XG: variants seen among roughly 807,000 people sequenced by gnomAD.
The protein encoded by XG is glycoprotein Xg.
Under a neutral mutation model 25.7 loss-of-function variants are expected in XG, and 24 were observed. The observed-to-expected ratio is 0.93, with a 90% CI of 0.68 to 1.31. XG has a LOEUF of 1.31. Among genes scored for constraint, XG ranks in the 40% most tolerant of loss-of-function variants. The pLI, the probability that XG is intolerant of heterozygous loss-of-function variation, is 0.00. For synonymous variants in XG, 77 were observed against 69.2 expected (o/e 1.11, Z -0.56); for missense variants, 181 against 187.6 (o/e 0.96, Z 0.21).
chrX:2,773,935 C>A (rs1415096187), intron 2 of XG, among the ~76,000 whole-genome samples: 2 of 152,034 alleles, frequency 1.3e-5, no homozygotes, highest in African/African-American at 4.8e-5. Context: ...ACAGGACATG[C>A]GAAACCATAT....
rs191257805 is a variant in XG at position 2,805,262 on chromosome X, C to T, written c.374-1439C>T. 8.0e-5 allele frequency among the ~76,000 whole-genome samples: 9 copies of T among 112,372 alleles called. 1 individual carries two copies. In the East Asian group the frequency reaches 2.5e-3, roughly 32 times the overall value. ...ACTGGGGAGAAAATGTTGCGCTCGT[C>T]GTTTTTAAATACTGGGGGACAAGTT... On this transcript the variant is annotated intron_variant, in intron 7 of 10. Coordinates refer to ENST00000644266, the MANE Select transcript of XG (RefSeq NM_001141919.2).
chrX:2,789,572 T>A (rs1436797132), intron 4 of XG, 72 bp from the exon 5 acceptor site: 6 of 704,026 alleles, frequency 8.5e-6, no homozygotes, highest in Admixed American at 6.0e-5. Flanking sequence ...ACTTTGGCAT[T>A]CTTATTTATA....
Position 2,770,548 on chromosome X carries a change from A to G in XG, c.62-2A>G. The G allele has an allele frequency of 6.2e-7, 1 of 1,613,904 alleles. No homozygotes were observed. The highest frequency in any genetic ancestry group is 1.1e-5 in the South Asian group (1 of 91,072). ...GACTTATGCCCTGTTTGCTCCCAAT[A>G]GGTCAAAGAGACTTTGATTTGGCAG... On this transcript the variant is annotated splice_acceptor_variant, in intron 1 of 10. Transcript: ENST00000644266. LOFTEE classifies it high-confidence loss of function.
chrX:2,778,384 A>C (rs1209273385), intron 3 of XG, among the ~76,000 whole-genome samples: 2 of 152,072 alleles, frequency 1.3e-5, no homozygotes, highest in Non-Finnish European at 1.5e-5. Flanking sequence ...CTTTACAAAA[A>C]AATTAAAAAA....
intron 7 of XG, 136 bp from the exon 8 acceptor site, chrX:2,806,565 C>T (rs1206316795): frequency 3.7e-5 from 20 of 547,657 alleles, no homozygotes; most frequent in Non-Finnish European, 5.3e-5. Flanking sequence ...CCTTCCCTGG[C>T]CTTGGGAGAG....
intron 3 of XG, 97 bp downstream of exon 3, chrX:2,774,836 T>C: frequency 6.7e-7 from 1 of 1,491,202 alleles, no homozygotes; most frequent in Non-Finnish European, 9.3e-7. Context: ...CTGTGGGGTA[T>C]ATGAAAGAGA....
intron 2 of XG, among the ~76,000 whole-genome samples, chrX:2,772,789 A>G (rs1303841382): frequency 6.6e-6 from 1 of 152,230 alleles, no homozygotes; most frequent in African/African-American, 2.4e-5. Context: ...TTGCTCACCT[A>G]GAAGGCTGCC....
chrX:2,808,351 A>G, intron 9 of XG, 131 bp downstream of exon 9: 1 of 885,441 alleles, frequency 1.1e-6, no homozygotes, highest in Non-Finnish European at 1.6e-6. Flanking sequence ...CTTTGTATGT[A>G]TATAAAGTAG....
chrX:2,804,674 G>A (rs1406997837), intron 7 of XG, among the ~76,000 whole-genome samples: 3 of 111,903 alleles, frequency 2.7e-5, no homozygotes, highest in South Asian at 7.7e-4. Flanking sequence ...GTAGAAAGAA[G>A]TGATTCAGCA....
chrX:2,805,286 T>C (rs1311825723), intron 7 of XG, among the ~76,000 whole-genome samples: 1 of 112,322 alleles, frequency 8.9e-6, no homozygotes, highest in Non-Finnish European at 1.9e-5. Flanking sequence ...GGGGGACAAG[T>C]TTCCCTTGTC....
intron 5 of XG, among the ~76,000 whole-genome samples, 160 bp from the exon 6 acceptor site, chrX:2,794,375 A>T (rs2086863839): frequency 8.9e-6 from 1 of 112,417 alleles, no homozygotes; most frequent in African/African-American, 3.2e-5. Context: ...CCAGCCCACA[A>T]GGTAATTTAA....
At chrX:2,796,258 A>C (rs2086885251) in intron 6 of XG, among the ~76,000 whole-genome samples, 1 of 107,457 alleles carries the variant, frequency 9.3e-6, no homozygotes, top group Admixed American at 1.0e-4. Context: ...ATATGTATAA[A>C]TATCTTATAT....
chrX:2,796,385 T>C (rs1356579857), intron 6 of XG, among the ~76,000 whole-genome samples: 5 of 109,885 alleles, frequency 4.6e-5, no homozygotes, highest in Non-Finnish European at 7.6e-5. Context: ...TATATAGGTG[T>C]ATACCTTTAC....
chrX:2,794,783 C>G lies in XG; in HGVS notation c.322+180C>G, dbSNP rs189398504. The stretch of plus-strand genomic sequence containing the variant: ...TGGCCGCATCAGTGGGGTTTGCGGT[C>G]TGGGCATCTGTCCGCCTCTCCAGGC... On this transcript the variant is annotated intron_variant, in intron 6 of 10. Coordinates refer to ENST00000644266, the MANE Select transcript of XG (RefSeq NM_001141919.2). Among the ~76,000 whole-genome samples the G allele has an allele frequency of 1.8e-3, 197 of 112,020 alleles. 3 individuals are homozygous for G. The highest frequency in any genetic ancestry group is 6.5e-3 in the East Asian group (23 of 3,559).
intron 1 of XG, among the ~76,000 whole-genome samples, chrX:2,767,767 G>A (rs2535446): frequency 0.29 from 44,593 of 152,030 alleles, 7,090 homozygotes; most frequent in Middle Eastern, 0.36. Flanking sequence ...CCTGGCATGC[G>A]GGACTGGAGA....
chrX:2,775,280 G>C (rs2050952552), intron 3 of XG, among the ~76,000 whole-genome samples: 1 of 152,202 alleles, frequency 6.6e-6, no homozygotes, highest in Non-Finnish European at 1.5e-5. Context: ...TCACACAATG[G>C]AATATTATTT....
intron 4 of XG, among the ~76,000 whole-genome samples, chrX:2,785,137 C>CT (rs2086771793): frequency 8.9e-6 from 1 of 112,218 alleles, no homozygotes; most frequent in Non-Finnish European, 1.9e-5. Flanking sequence ...TACGAGACAA[C>CT]TAGTTGCATT....
intron 3 of XG, among the ~76,000 whole-genome samples, chrX:2,781,840 A>G (rs1233341990): frequency 9.4e-6 from 1 of 106,312 alleles, no homozygotes; most frequent in Non-Finnish European, 1.9e-5. Context: ...ACGAACTTCT[A>G]GTAACAAAAC....
intron 10 of XG, among the ~76,000 whole-genome samples, chrX:2,812,109 C>T (rs989082907): frequency 8.9e-6 from 1 of 111,848 alleles, no homozygotes; most frequent in African/African-American, 3.2e-5. Flanking sequence ...GTGAAATTTT[C>T]GTCACAGGCG....
Sources: allele counts gnomAD v4.1 joint callset (sites outside exome capture counted in the v4.1 genomes callset), GRCh38; gene constraint gnomAD v4.1.1; transcripts MANE v1.5; gene names NCBI Gene and HGNC (gene_info 2026-07-23, HGNC 2026-07-21).